The following PCDHGA5 variants were observed in gnomAD, a reference collection of about 807,000 sequenced individuals.
The protein encoded by PCDHGA5 is protocadherin gamma-A5.
Under a neutral mutation model 56.7 loss-of-function variants are expected in PCDHGA5, and 36 were observed. The observed-to-expected ratio is 0.64, with a 90% CI of 0.49 to 0.84. PCDHGA5 has a LOEUF of 0.84. Ranked by LOEUF, PCDHGA5 falls within the 40% of genes least tolerant of loss-of-function variation. The pLI, the probability that PCDHGA5 is intolerant of heterozygous loss-of-function variation, is 0.00. For missense variants in PCDHGA5, 1,305 were observed against 1,201.5 expected (o/e 1.09, Z -1.27); for synonymous variants, 563 against 520.2 (o/e 1.08, Z -1.12).
intron 1 of PCDHGA5, chr5:141,400,713 T>C: frequency 1.5e-6 from 1 of 686,914 alleles, no homozygotes; most frequent in South Asian, 2.0e-5. Context: ...GAAGTAGCCT[T>C]ATAGATTTAC....
Position 141,476,140 on chromosome 5 carries a change from C to G in PCDHGA5, c.2422-18667C>G. On this transcript the variant is annotated intron_variant, in intron 1 of 3. Coordinates refer to ENST00000518069, the MANE Select transcript of PCDHGA5 (RefSeq NM_018918.3). This position sits in a 1 kb window ranked among gnomAD's most constrained non-coding sequence, Gnocchi z 7.6. ...AGATGGTCCCAGAGGCCTGGAGGAGCGGACTGGTAAGCACCGGGAGGGTAG... is the reference window on the plus strand; with the variant it reads ...AGATGGTCCCAGAGGCCTGGAGGAGGGGACTGGTAAGCACCGGGAGGGTAG... The G allele has an allele frequency of 2.5e-6, 4 of 1,609,222 alleles. No individual in the cohort carries two copies. Among genetic ancestry groups the G allele is most frequent in the Non-Finnish European group, 1.7e-6 (2 of 1,178,484 alleles).
chr5:141,382,171 G>A (rs1325332399), intron 1 of PCDHGA5, among the ~76,000 whole-genome samples: 3 of 151,984 alleles, frequency 2.0e-5, no homozygotes, highest in East Asian at 3.8e-4. Flanking sequence ...GTGTTAGACC[G>A]TCTCTAAGGT....
chr5:141,507,113 C>G (rs1401559943), intron 3 of PCDHGA5: 1 of 152,220 alleles, frequency 6.6e-6, no homozygotes, highest in Non-Finnish European at 1.5e-5. Context: ...GGGACCATGG[C>G]TGCCTTTGGA....
At chr5:141,438,741 A>T (rs1184994731) in intron 1 of PCDHGA5, among the ~76,000 whole-genome samples, 3 of 148,914 alleles carry the variant, frequency 2.0e-5, no homozygotes, top group South Asian at 2.1e-4. Context: ...AGCTCACTGC[A>T]ACCTCTGCCT....
At chr5:141,394,883 ACT>A (rs1415060925) in intron 1 of PCDHGA5, 4 of 1,611,604 alleles carry the variant, frequency 2.5e-6, no homozygotes, top group Admixed American at 1.7e-5. Context: ...CGAGCCTTAC[ACT>A]CTATCTCGTG....
In PCDHGA5 at chr5:141,489,091, T is replaced by TCAG. The variant is rs2099682519; in HGVS notation, c.2422-5716_2422-5715insCAG. On this transcript the variant is annotated intron_variant, in intron 1 of 3. Transcript: ENST00000518069. This position sits in a 1 kb window ranked among gnomAD's most constrained non-coding sequence, Gnocchi z 4.5. ...CTGCCCACCCCCGCCACTCGGTGACTAAGAACTGCTGCAAGCAGGCAAACC... is the reference window on the plus strand; with the variant it reads ...CTGCCCACCCCCGCCACTCGGTGACTCAGAAGAACTGCTGCAAGCAGGCAAACC... The TCAG allele has an allele frequency of 3.0e-6, 1 of 333,056 alleles. No individual in the cohort carries two copies. Among genetic ancestry groups the TCAG allele is most frequent in the Non-Finnish European group, 5.5e-6 (1 of 181,380 alleles). 20.6% of individuals were successfully genotyped at this position (333,056 alleles called of 1,614,324 possible). A position where few individuals can be genotyped will look rare whatever the true frequency, so the allele number is the denominator to read the frequency against.
chr5:141,448,966 A>G (rs981772425), intron 1 of PCDHGA5, among the ~76,000 whole-genome samples: 5 of 152,118 alleles, frequency 3.3e-5, no homozygotes, highest in Non-Finnish European at 7.4e-5. Context: ...CAAACAAACA[A>G]AAAAGAACTT....
At position 141,413,561 on chromosome 5, in the gene PCDHGA5, AT is replaced by A. The variant is rs1363955348; in HGVS notation, c.2421+46811del. The stretch of plus-strand genomic sequence containing the variant: ...TTTGGGATAGAAATAGAAGTAACTG[AT>A]ATCAATGACAATGCTCCAAAATTCC... On this transcript the variant is annotated intron_variant, in intron 1 of 3. Coordinates refer to ENST00000518069, the MANE Select transcript of PCDHGA5 (RefSeq NM_018918.3). The A allele has an allele frequency of 6.2e-6, 10 of 1,613,806 alleles. No individual in the cohort carries two copies. In the Admixed American group the frequency reaches 1.3e-4, roughly 22 times the overall value.
At chr5:141,442,129 G>T in intron 1 of PCDHGA5, 1 of 165,104 alleles carries the variant, frequency 6.1e-6, no homozygotes, top group Non-Finnish European at 1.3e-5. Flanking sequence ...CCGACAGCCT[G>T]CAGGAGACTC....
rs1179027324 is a variant in PCDHGA5, at chr5:141,364,236, A to G, written c.-95A>G. 7.0e-7 allele frequency: 1 copy of G among 1,433,738 alleles called. No homozygotes were observed. Among genetic ancestry groups the G allele is most frequent in the Non-Finnish European group, 9.3e-7 (1 of 1,078,310 alleles). The allele number at this position is 1,433,738 out of a possible 1,614,324, so 88.8% of individuals were successfully genotyped here. ...TACGAAAAGCCAACGCTCCACGCCC[A>G]TTTTCGTCAGGGAATATGTACCCAT... On this transcript the variant is annotated 5_prime_UTR_variant, in exon 1 of 4. Coordinates refer to ENST00000518069, the MANE Select transcript of PCDHGA5 (RefSeq NM_018918.3).
At chr5:141,400,560 C>CGTAA in intron 1 of PCDHGA5, 5 of 1,613,248 alleles carry the variant, frequency 3.1e-6, no homozygotes, top group Non-Finnish European at 3.4e-6. Flanking sequence ...TTTCATTACC[C>CGTAA]ACCCAATTTT....
intron 1 of PCDHGA5, chr5:141,428,187 C>T: frequency 1.4e-6 from 2 of 1,439,502 alleles, no homozygotes; most frequent in Non-Finnish European, 1.9e-6. Context: ...GGACAGCCGC[C>T]GCTCTCTGCG....
At chr5:141,394,744 T>C (rs755757019) in intron 1 of PCDHGA5, 1 of 1,613,408 alleles carries the variant, frequency 6.2e-7, no homozygotes, top group Non-Finnish European at 8.5e-7. Flanking sequence ...AGCCTCGTGG[T>C]GGCCGTCCAG....
chr5:141,403,079 T>C (rs770770660), intron 1 of PCDHGA5: 3 of 1,614,064 alleles, frequency 1.9e-6, no homozygotes, highest in Non-Finnish European at 1.7e-6. Flanking sequence ...AGAAAAGGGC[T>C]ATATTGTGGG....
intron 1 of PCDHGA5, chr5:141,398,625 T>C (rs777533974): frequency 6.2e-7 from 1 of 1,614,046 alleles, no homozygotes; most frequent in South Asian, 1.1e-5. Context: ...GCTTAAACTC[T>C]CTGCAGAAGT....
Position 141,489,084 on chromosome 5 carries a change from C to CCG in PCDHGA5, c.2422-5723_2422-5722insCG. On this transcript the variant is annotated intron_variant, in intron 1 of 3. Coordinates refer to ENST00000518069, the MANE Select transcript of PCDHGA5 (RefSeq NM_018918.3). The surrounding 1 kb of genome is among the most constrained non-coding windows in gnomAD (Gnocchi z 4.5). ...CTCCCCCCTGCCCACCCCCGCCACT[C>CCG]GGTGACTAAGAACTGCTGCAAGCAG... 9.1e-6 allele frequency: 3 copies of CCG among 329,130 alleles called. No individual in the cohort carries two copies. The highest frequency in any genetic ancestry group is 5.4e-6 in the Non-Finnish European group (1 of 186,464). The allele number at this position is 329,130 out of a possible 1,614,324, so 20.4% of individuals were successfully genotyped here. A position where few individuals can be genotyped will look rare whatever the true frequency, so the allele number is the denominator to read the frequency against.
chr5:141,372,210 T>C lies in PCDHGA5; in HGVS notation c.2421+5459T>C, dbSNP rs763593596. ...CTCGGGATACAACGCCTGGCTGTCC[T>C]ACCACATTGTGCAGGCCAGCGAGCC... On this transcript the variant is annotated intron_variant, in intron 1 of 3. Transcript: ENST00000518069. The C allele has an allele frequency of 2.0e-5, 33 of 1,613,456 alleles. No homozygotes were observed. In the South Asian group the frequency reaches 2.9e-4, roughly 14 times the overall value.
At chr5:141,480,511 A>G (rs2099520888) in intron 1 of PCDHGA5, among the ~76,000 whole-genome samples, 1 of 127,378 alleles carries the variant, frequency 7.9e-6, no homozygotes, top group African/African-American at 3.6e-5. Context: ...ATATGAGAAC[A>G]ACCAAAAATG....
chr5:141,433,837 C>CAA (rs56191208), intron 1 of PCDHGA5, among the ~76,000 whole-genome samples: 9,379 of 111,452 alleles, frequency 0.084, 424 homozygotes, highest in African/African-American at 0.14. Flanking sequence ...AACTCTATCT[C>CAA]AAAAAAAAAA....
Sources: allele counts gnomAD v4.1 joint callset (sites outside exome capture counted in the v4.1 genomes callset), GRCh38; gene constraint gnomAD v4.1.1; non-coding constraint Gnocchi (gnomAD v3.1); transcripts MANE v1.5; gene names NCBI Gene and HGNC (gene_info 2026-07-23, HGNC 2026-07-21).